The following RRP1 variants were observed in gnomAD, a reference collection of about 807,000 sequenced individuals.
The protein encoded by RRP1 is ribosomal RNA processing 1, also known as ribosomal RNA processing protein 1 homolog A.
In RRP1, 37 loss-of-function variants were observed where a neutral mutation model predicts 54.6. That is an observed-to-expected ratio of 0.68 (90% CI 0.52 to 0.89). The LOEUF (loss-of-function observed/expected upper bound fraction) is 0.89. RRP1 is among the 40% of genes least tolerant of loss of function. The probability of loss-of-function intolerance (pLI) is 0.00; values close to 1 mark genes in which losing one functional copy is unlikely to be tolerated. For synonymous variants in RRP1, 262 were observed against 244.3 expected, an observed-to-expected ratio of 1.07 and a Z score of -0.67; for missense variants, 639 against 612.5, an observed-to-expected ratio of 1.04 and a Z score of -0.46.
chr21:43,798,526 ATCACTTG>A (rs1369301388), intron 8 of RRP1, among the ~76,000 whole-genome samples: 2 of 152,064 alleles, frequency 1.3e-5, no homozygotes, highest in East Asian at 3.9e-4. Flanking sequence ...CGGGATGTGA[ATCACTTG>A]CTCCTCGTGT....
At chr21:43,800,663 C>G (rs754608541) in intron 10 of RRP1, 49 bp downstream of exon 10, 5 of 1,587,864 alleles carry the variant, frequency 3.1e-6, no homozygotes, top group Non-Finnish European at 4.3e-6. Flanking sequence ...TGGAGTTGCC[C>G]TTTCTTGCTC....
chr21:43,791,543 C>A (rs1311443299), intron 2 of RRP1, 111 bp downstream of exon 2: 1 of 999,254 alleles, frequency 1.0e-6, no homozygotes, highest in East Asian at 2.7e-5. Context: ...GCTCTTGTTG[C>A]CCAGGCTGGA....
chr21:43,798,190 T>C (rs1452598223), intron 8 of RRP1, 90 bp downstream of exon 8: 2 of 1,145,470 alleles, frequency 1.7e-6, no homozygotes, highest in Admixed American at 2.6e-5. Context: ...TGCCACCTCC[T>C]ACCTGGTCCC....
chr21:43,794,465 G>A (rs2084994947), intron 4 of RRP1, among the ~76,000 whole-genome samples: 3 of 152,310 alleles, frequency 2.0e-5, no homozygotes, highest in East Asian at 3.9e-4. Context: ...ACCGCAGGGT[G>A]TTGTGGGGGA....
In RRP1 at chr21:43,792,656, G is replaced by A. The variant is rs753377951; in HGVS notation, c.217-16G>A. ...TGCTTCAGGGGCTGAGGGCGTTTTT[G>A]TTGTTTCCTACACAGGAAGAATTAG... On this transcript the variant is annotated splice_polypyrimidine_tract_variant and intron_variant, in intron 2 of 12. Transcript: ENST00000497547. 4.3e-6 allele frequency: 7 copies of A among 1,613,948 alleles called. No homozygotes were observed. In the South Asian group the frequency reaches 4.4e-5, roughly 10 times the overall value.
intron 1 of RRP1, among the ~76,000 whole-genome samples, chr21:43,790,075 C>A (rs2084941224): frequency 6.6e-6 from 1 of 152,248 alleles, no homozygotes; most frequent in Non-Finnish European, 1.5e-5. Flanking sequence ...TTTGGGCACC[C>A]AGTATTTTTC....
At position 43,791,344 on chromosome 21, in the gene RRP1, A is replaced by T. The variant is rs1177522215; in HGVS notation, c.134-6A>T. ...ATTTGGTCCAACCGTTGCTGTTTTG[A>T]TGCAGGTGGTTTTACGCACGACGAG... On this transcript the variant is annotated splice_polypyrimidine_tract_variant and splice_region_variant and intron_variant, in intron 1 of 12. Coordinates refer to ENST00000497547, the MANE Select transcript of RRP1 (RefSeq NM_003683.6). 1.2e-6 allele frequency: 2 copies of T among 1,613,646 alleles called. No individual in the cohort carries two copies. The highest frequency in any genetic ancestry group is 1.7e-6 in the Non-Finnish European group (2 of 1,179,718).
chr21:43,794,989 A>G (rs1019129020), intron 4 of RRP1, among the ~76,000 whole-genome samples, 200 bp from the exon 5 acceptor site: 1 of 152,216 alleles, frequency 6.6e-6, no homozygotes, highest in Non-Finnish European at 1.5e-5. Flanking sequence ...GCATGTTCTC[A>G]GCCCAGGGTT....
At chr21:43,792,621 G>C (rs759279658) in intron 2 of RRP1, 51 bp from the exon 3 acceptor site, 64 of 1,587,004 alleles carry the variant, frequency 4.0e-5, no homozygotes, top group Middle Eastern at 1.7e-4. Context: ...GTGTCATTGT[G>C]AGAGCCTGGT....
intron 5 of RRP1, among the ~76,000 whole-genome samples, chr21:43,797,072 G>A (rs376817764): frequency 2.6e-5 from 4 of 152,308 alleles, no homozygotes; most frequent in East Asian, 3.9e-4. Flanking sequence ...CAGGCAGGGC[G>A]TCTCGTCTCA....
chr21:43,798,313 G>T (rs1274235105), intron 8 of RRP1, among the ~76,000 whole-genome samples: 1 of 151,948 alleles, frequency 6.6e-6, no homozygotes, highest in East Asian at 1.9e-4. Flanking sequence ...TGTGCTCCAC[G>T]CCCTCTCCGG....
At chr21:43,799,191 C>G (rs1458038216) in intron 8 of RRP1, among the ~76,000 whole-genome samples, 5 of 152,142 alleles carry the variant, frequency 3.3e-5, no homozygotes, top group African/African-American at 7.2e-5. Flanking sequence ...ACCAGGCCAC[C>G]CTGAGGCTCC....
At position 43,800,548 on chromosome 21, in the gene RRP1, T is replaced by G. The variant is rs914593381; in HGVS notation, c.923T>G (p.Phe308Cys). Residue 308 changes from phenylalanine (F) to cysteine (C), a missense_variant, in exon 10 of 13, where the codon TTT (phenylalanine) becomes TGT (cysteine). Phe to Cys is a radical substitution (Grantham distance 205). Transcript: ENST00000497547. ...FDYEAVANRL[F>C]EMASRQSTPS... Reference sequence around the variant, plus strand: ...TACGAGGCAGTTGCTAACAGACTGTTTGAAATGGCCAGCCGCCAGAGCACC... The same window carrying G: ...TACGAGGCAGTTGCTAACAGACTGTGTGAAATGGCCAGCCGCCAGAGCACC... The G allele has an allele frequency of 6.2e-7, 1 of 1,614,126 alleles. No individual in the cohort carries two copies. The highest frequency in any genetic ancestry group is 1.3e-5 in the African/African-American group (1 of 74,948).
Position 43,802,300 on chromosome 21 carries a change from GAGA to G in RRP1, c.1039_1041del (p.Lys347del). 1 of 1,613,930 alleles carries G rather than the reference GAGA, an allele frequency of 6.2e-7. No individual in the cohort carries two copies. Among genetic ancestry groups the G allele is most frequent in the Non-Finnish European group, 8.5e-7 (1 of 1,180,006 alleles). On this transcript the variant is annotated inframe_deletion, in exon 12 of 13. Coordinates refer to ENST00000497547, the MANE Select transcript of RRP1 (RefSeq NM_003683.6). ...CATTTTCCCTGAAGATGAGATCCCAGAGAAGGCCTGCAGGCGCCTGCTTGAAGG... is the reference window on the plus strand; with the variant it reads ...CATTTTCCCTGAAGATGAGATCCCAGAGGCCTGCAGGCGCCTGCTTGAAGG...
At position 43,803,481 on chromosome 21, in the gene RRP1, T is replaced by G. The variant is rs371164917; in HGVS notation, c.1124-31T>G. ...GTGGAAAGAGCCCGTGTTGGCATTC[T>G]CTGGCTCATGGGGTCTTGCTGTTTT... On this transcript the variant is annotated intron_variant, in intron 12 of 12. Transcript: ENST00000497547. 14 of 1,519,386 alleles carry G rather than the reference T, an allele frequency of 9.2e-6. No individual in the cohort carries two copies. In the Admixed American group the frequency reaches 2.7e-4, roughly 29 times the overall value. The allele number at this position is 1,519,386 out of a possible 1,614,324, so 94.1% of individuals were successfully genotyped here. A position where few individuals can be genotyped will look rare whatever the true frequency, so the allele number is the denominator to read the frequency against.
intron 2 of RRP1, among the ~76,000 whole-genome samples, chr21:43,791,944 G>A (rs1037162368): frequency 2.6e-5 from 4 of 152,206 alleles, no homozygotes; most frequent in Admixed American, 6.5e-5. Context: ...TGACTGAGCC[G>A]TGCACTGCAG....
intron 8 of RRP1, 42 bp from the exon 9 acceptor site, chr21:43,799,528 C>T (rs749733620): frequency 1.1e-5 from 18 of 1,581,224 alleles, no homozygotes; most frequent in Middle Eastern, 2.1e-4. Flanking sequence ...GGCCAGCACA[C>T]GTTGGGCACA....
intron 4 of RRP1, among the ~76,000 whole-genome samples, chr21:43,794,516 GGCTGT>G: frequency 6.6e-6 from 1 of 152,308 alleles, no homozygotes; most frequent in South Asian, 2.1e-4. Flanking sequence ...CGGGCTGCTG[GGCTGT>G]GCTCTGTCAT....
chr21:43,790,645 T>TGGA (rs1457562319), intron 1 of RRP1: 1 of 194,230 alleles, frequency 5.1e-6, no homozygotes, highest in Non-Finnish European at 1.1e-5. Context: ...AGGAGTGCAT[T>TGGA]GGCACGATTA....
Sources: allele counts gnomAD v4.1 joint callset (sites outside exome capture counted in the v4.1 genomes callset), GRCh38; gene constraint gnomAD v4.1.1; transcripts MANE v1.5; gene names NCBI Gene and HGNC (gene_info 2026-07-23, HGNC 2026-07-21).